The following ANKRD36 variants were observed in gnomAD, a reference collection of about 807,000 sequenced individuals.
The protein encoded by ANKRD36 is ankyrin repeat domain 36.
Under a neutral mutation model 278.1 loss-of-function variants are expected in ANKRD36, and 179 were observed. The observed-to-expected ratio is 0.64, with a 90% CI of 0.57 to 0.73. The LOEUF (loss-of-function observed/expected upper bound fraction) is 0.73, where lower values mean the gene tolerates loss of function less well. Ranked by LOEUF, ANKRD36 falls within the 30% of genes least tolerant of loss-of-function variation. ANKRD36 has a pLI of 0.00. For synonymous variants in ANKRD36, 320 were observed against 641.1 expected (o/e 0.50, Z 7.57); for missense variants, 1,159 against 1,956.7 (o/e 0.59, Z 7.69).
intron 48 of ANKRD36, among the ~76,000 whole-genome samples, chr2:97,202,684 G>A (rs1442227796): frequency 6.6e-6 from 1 of 151,818 alleles, no homozygotes; most frequent in Non-Finnish European, 1.5e-5. Flanking sequence ...TAATCCTCCA[G>A]CTTGTTTTCA....
chr2:97,184,230 G>C (rs922263315), intron 28 of ANKRD36, among the ~76,000 whole-genome samples: 4 of 151,746 alleles, frequency 2.6e-5, no homozygotes, highest in African/African-American at 9.7e-5. Flanking sequence ...TTGCATACCA[G>C]AAGATTTGAT....
chr2:97,139,357 T>C (rs1422769238), intron 6 of ANKRD36, among the ~76,000 whole-genome samples: 1 of 152,034 alleles, frequency 6.6e-6, no homozygotes, highest in Non-Finnish European at 1.5e-5. Context: ...TTACAACATA[T>C]GTGCATATTC....
intron 17 of ANKRD36, among the ~76,000 whole-genome samples, chr2:97,161,446 GCC>G (rs1263739215): frequency 6.6e-5 from 10 of 151,848 alleles, no homozygotes; most frequent in Non-Finnish European, 1.2e-4. Flanking sequence ...TACACTGTCT[GCC>G]CTATACTTTT....
At chr2:97,177,636 GA>G (rs1559495937) in intron 22 of ANKRD36, among the ~76,000 whole-genome samples, 1 of 151,982 alleles carries the variant, frequency 6.6e-6, no homozygotes, top group African/African-American at 2.4e-5. Context: ...GTAGAAAGCT[GA>G]AACTGTATCC....
chr2:97,154,505 C>A (rs2046963636), intron 14 of ANKRD36, among the ~76,000 whole-genome samples, 170 bp from the exon 15 acceptor site: 1 of 146,458 alleles, frequency 6.8e-6, no homozygotes, highest in Non-Finnish European at 1.5e-5. Context: ...AAAATGGAAG[C>A]CATATCTTAA....
At chr2:97,192,118 G>T (rs2058652548) in intron 36 of ANKRD36, among the ~76,000 whole-genome samples, 5 of 151,718 alleles carry the variant, frequency 3.3e-5, no homozygotes. Context: ...TCTAATGCTA[G>T]TAGCAGTTTT....
At chr2:97,209,466 A>C (rs1224065256) in intron 54 of ANKRD36, among the ~76,000 whole-genome samples, 1 of 146,276 alleles carries the variant, frequency 6.8e-6, no homozygotes, top group East Asian at 2.0e-4. Flanking sequence ...CAAATCATAT[A>C]ATGTTTGAAA....
At chr2:97,225,559 A>T (rs1283239516) in intron 67 of ANKRD36, among the ~76,000 whole-genome samples, 2 of 152,102 alleles carry the variant, frequency 1.3e-5, no homozygotes, top group African/African-American at 4.8e-5. Context: ...ATATAAATAT[A>T]TAACACTGTC....
intron 15 of ANKRD36, among the ~76,000 whole-genome samples, chr2:97,155,348 CTG>C: frequency 6.9e-6 from 1 of 144,764 alleles, no homozygotes; most frequent in South Asian, 2.1e-4. Flanking sequence ...TATCATGTGC[CTG>C]TAGTCCCACC....
chr2:97,210,491 A>G (rs1292295304), intron 56 of ANKRD36, among the ~76,000 whole-genome samples: 2 of 151,870 alleles, frequency 1.3e-5, no homozygotes, highest in Non-Finnish European at 2.9e-5. Context: ...AAACAATGGT[A>G]TAATTGGAAT....
intron 6 of ANKRD36, among the ~76,000 whole-genome samples, chr2:97,129,828 G>A (rs1162579189): frequency 3.9e-5 from 6 of 151,944 alleles, no homozygotes; most frequent in African/African-American, 1.4e-4. Flanking sequence ...CCATTGGTCT[G>A]TATCTCTGTT....
intron 26 of ANKRD36, among the ~76,000 whole-genome samples, chr2:97,182,498 G>C (rs1489267419): frequency 6.7e-6 from 1 of 148,884 alleles, no homozygotes; most frequent in African/African-American, 2.4e-5. Flanking sequence ...AGATAAACAT[G>C]AATATGCATA....
intron 6 of ANKRD36, among the ~76,000 whole-genome samples, chr2:97,127,925 A>C (rs1336804706): frequency 2.6e-5 from 4 of 152,032 alleles, no homozygotes; most frequent in African/African-American, 9.7e-5. Context: ...GAAATATAAA[A>C]GTATTTATTT....
chr2:97,164,805 C>T (rs1275328092), intron 20 of ANKRD36, among the ~76,000 whole-genome samples: 2 of 152,254 alleles, frequency 1.3e-5, no homozygotes, highest in African/African-American at 4.8e-5. Context: ...ACTCTTCTGT[C>T]TTCTTCATCT....
At chr2:97,203,128 A>G (rs1361487489) in intron 48 of ANKRD36, among the ~76,000 whole-genome samples, 13 of 151,776 alleles carry the variant, frequency 8.6e-5, no homozygotes, top group South Asian at 2.1e-4. Context: ...ATCTGAATAC[A>G]TTGGTTTCCT....
At chr2:97,226,843 T>A (rs1390633070) in intron 67 of ANKRD36, among the ~76,000 whole-genome samples, 1 of 151,716 alleles carries the variant, frequency 6.6e-6, no homozygotes, top group Non-Finnish European at 1.5e-5. Context: ...TTTCTACATA[T>A]GGCTAGCCAG....
chr2:97,213,599 C>A lies in ANKRD36; in HGVS notation c.3556C>A (p.Gln1186Lys), dbSNP rs1439287450. The A allele has an allele frequency of 1.0e-5, 6 of 588,782 alleles. No homozygotes were observed. Among genetic ancestry groups the A allele is most frequent in the Non-Finnish European group, 1.4e-5 (5 of 347,836 alleles). The allele number at this position is 588,782 out of a possible 1,614,324, so 36.5% of individuals were successfully genotyped here. The change falls in exon 60 of 76, where the codon CAA becomes AAA. Residue 1186 changes from glutamine to lysine, a missense_variant. Gln to Lys is a moderately conservative substitution (Grantham distance 53). Coordinates refer to ENST00000420699, the MANE Select transcript of ANKRD36 (RefSeq NM_001354587.1). Reference protein sequence around the residue: ...SNIPTEIKDGQQSGTVSSQKQ... With the variant: ...SNIPTEIKDGKQSGTVSSQKQ... ...TATACCCACAGAAATAAAGGATGGA[C>A]AACAATCTGGAACAGGTAATTTTGC...
Position 97,181,641 on chromosome 2 carries a change from A to G in ANKRD36, c.1764+15A>G, listed in dbSNP as rs752474959. 294 of 1,602,564 alleles carry G rather than the reference A, an allele frequency of 1.8e-4. No individual in the cohort carries two copies. The highest frequency in any genetic ancestry group is 2.2e-4 in the Non-Finnish European group (265 of 1,178,138). ...CAGCTGAGAAGGTAATTAAAGTCTCATTTATATGTTGAACTATTAACTGTA... is the reference window on the plus strand; with the variant it reads ...CAGCTGAGAAGGTAATTAAAGTCTCGTTTATATGTTGAACTATTAACTGTA... On this transcript the variant is annotated intron_variant, in intron 25 of 75. Coordinates refer to ENST00000420699, the MANE Select transcript of ANKRD36 (RefSeq NM_001354587.1).
intron 56 of ANKRD36, among the ~76,000 whole-genome samples, chr2:97,211,170 A>C (rs1456955488): frequency 1.3e-5 from 2 of 151,882 alleles, no homozygotes; most frequent in Non-Finnish European, 2.9e-5. Flanking sequence ...GATTTGTTGC[A>C]TGAAAGACAT....
Sources: allele counts gnomAD v4.1 joint callset (sites outside exome capture counted in the v4.1 genomes callset), GRCh38; gene constraint gnomAD v4.1.1; transcripts MANE v1.5; gene names NCBI Gene and HGNC (gene_info 2026-07-23, HGNC 2026-07-21).